The following RALGPS1 variants were observed in gnomAD, a reference collection of about 807,000 sequenced individuals.
RALGPS1 encodes the protein Ral GEF with PH domain and SH3 binding motif 1, also known as ras-specific guanine nucleotide-releasing factor RalGPS1.
RALGPS1 carries 19 observed loss-of-function variants against 78.8 expected under a neutral mutation model. The observed-to-expected ratio is 0.24, with a 90% confidence interval of 0.17 to 0.35. The LOEUF (loss-of-function observed/expected upper bound fraction) is 0.35, where lower values mean the gene tolerates loss of function less well. RALGPS1 is among the 10% of genes least tolerant of loss of function. RALGPS1 has a pLI of 1.00. For synonymous variants in RALGPS1, 228 were observed against 256.3 expected, an observed-to-expected ratio of 0.89 and a Z score of 1.06; for missense variants, 454 against 688.3, an observed-to-expected ratio of 0.66 and a Z score of 3.81.
At chr9:127,174,856 G>A (rs986975883) in intron 11 of RALGPS1, 74 bp downstream of exon 11, 20 of 1,397,106 alleles carry the variant, frequency 1.4e-5, no homozygotes, top group Non-Finnish European at 1.7e-5. Flanking sequence ...GGCCTTGACC[G>A]GGGAGGCCAA....
At chr9:127,124,742 G>A (rs1373565665) in intron 8 of RALGPS1, among the ~76,000 whole-genome samples, 4 of 152,204 alleles carry the variant, frequency 2.6e-5, no homozygotes, top group Non-Finnish European at 4.4e-5. Context: ...ACAGTAAGGA[G>A]CCACTGAAAG....
At position 127,205,599 on chromosome 9, in the gene RALGPS1, C is replaced by T. The variant is rs903662725; in HGVS notation, c.1248-6532C>T. ...CTTCTCTGTCCAATATCTACAATTC[C>T]TCCAGAGTCAGCACCTAGAAAGCGG... is the stretch of plus-strand genomic sequence containing the variant. On this transcript the variant is annotated intron_variant, in intron 14 of 18. Coordinates refer to ENST00000259351, the MANE Select transcript of RALGPS1 (RefSeq NM_014636.3). This position sits in a 1 kb window ranked among gnomAD's most constrained non-coding sequence, Gnocchi z 4.0. Among the ~76,000 whole-genome samples, 2 of 152,332 alleles carry T rather than the reference C, an allele frequency of 1.3e-5. No individual in the cohort carries two copies. The highest frequency in any genetic ancestry group is 2.1e-4 in the South Asian group (1 of 4,826).
intron 14 of RALGPS1, among the ~76,000 whole-genome samples, chr9:127,199,652 C>T (rs147402481): frequency 2.6e-3 from 389 of 151,706 alleles, no homozygotes; most frequent in African/African-American, 8.9e-3. Context: ...TGCCAGGGCC[C>T]CAGGCCTCCT....
chr9:127,161,485 C>T (rs981711965), intron 8 of RALGPS1, among the ~76,000 whole-genome samples: 1 of 152,214 alleles, frequency 6.6e-6, no homozygotes, highest in Non-Finnish European at 1.5e-5. Flanking sequence ...CCCACGTTCT[C>T]TCACTTATAC....
intron 8 of RALGPS1, among the ~76,000 whole-genome samples, chr9:127,141,616 C>CAAAAAAAA (rs61291398): frequency 5.4e-3 from 371 of 68,192 alleles, no homozygotes; most frequent in Middle Eastern, 8.9e-3. Context: ...TTTTTAATGG[C>CAAAAAAAA]AAAAAAAAAA....
At chr9:127,164,835 C>T (rs971864327) in intron 8 of RALGPS1, among the ~76,000 whole-genome samples, 5 of 152,160 alleles carry the variant, frequency 3.3e-5, no homozygotes, top group Non-Finnish European at 5.9e-5. Context: ...CCACTATGCT[C>T]TGCCCTAAAA....
chr9:126,962,195 C>A, intron 1 of RALGPS1, 30 bp from the exon 2 acceptor site: 2 of 1,290,518 alleles, frequency 1.5e-6, no homozygotes, highest in Non-Finnish European at 2.2e-6. Context: ...GTTTTGAAGA[C>A]TGATTTTTAT....
At chr9:127,009,219 C>T (rs1395416023) in intron 4 of RALGPS1, among the ~76,000 whole-genome samples, 1 of 152,230 alleles carries the variant, frequency 6.6e-6, no homozygotes. Flanking sequence ...TTCTAACATA[C>T]CCATTGGATG....
At chr9:127,028,739 A>G (rs1157067357) in intron 4 of RALGPS1, among the ~76,000 whole-genome samples, 4 of 152,224 alleles carry the variant, frequency 2.6e-5, no homozygotes, top group Admixed American at 2.0e-4. Context: ...CACTTTGCAA[A>G]TATCGGCCCA....
At chr9:127,101,105 C>T (rs2053677640) in intron 8 of RALGPS1, among the ~76,000 whole-genome samples, 1 of 152,192 alleles carries the variant, frequency 6.6e-6, no homozygotes. Context: ...TTCCCCAACC[C>T]CAGGAAAGCT....
At position 126,985,741 on chromosome 9, in the gene RALGPS1, C is replaced by G. The variant is rs146909514; in HGVS notation, c.216+7996C>G. 6.6e-3 allele frequency among the ~76,000 whole-genome samples: 1,009 copies of G among 152,280 alleles called. 3 individuals carry two copies. Among genetic ancestry groups the G allele is most frequent in the South Asian group, 0.023 (110 of 4,820 alleles). On this transcript the variant is annotated intron_variant, in intron 4 of 18. Coordinates refer to ENST00000259351, the MANE Select transcript of RALGPS1 (RefSeq NM_014636.3). ...AAGTGGGCCTCTCCCCTGGACTTTT[C>G]CCTTAAAGGTCTTTGGAAGCACCAG...
intron 4 of RALGPS1, among the ~76,000 whole-genome samples, chr9:127,029,139 T>G (rs2046206537): frequency 1.3e-5 from 2 of 152,126 alleles, no homozygotes; most frequent in South Asian, 4.1e-4. Flanking sequence ...AATGTAGACT[T>G]CCTTGTGGGT....
intron 4 of RALGPS1, among the ~76,000 whole-genome samples, chr9:127,022,430 A>G (rs1164959433): frequency 6.6e-6 from 1 of 151,906 alleles, no homozygotes; most frequent in African/African-American, 2.4e-5. Flanking sequence ...TCATGGCATC[A>G]GGGCAATACA....
At chr9:127,027,185 G>A (rs886941088) in intron 4 of RALGPS1, among the ~76,000 whole-genome samples, 3 of 152,170 alleles carry the variant, frequency 2.0e-5, no homozygotes, top group Admixed American at 6.5e-5. Flanking sequence ...CTCATTTGAC[G>A]AGGGTAGTAG....
At chr9:126,916,781 C>T (rs1288174510) in intron 1 of RALGPS1, among the ~76,000 whole-genome samples, 1 of 152,144 alleles carries the variant, frequency 6.6e-6, no homozygotes, top group Non-Finnish European at 1.5e-5. Flanking sequence ...ACTTTTCCAT[C>T]TCAAAACACA....
At chr9:127,192,829 G>A (rs2061146847) in intron 11 of RALGPS1, among the ~76,000 whole-genome samples, 1 of 152,198 alleles carries the variant, frequency 6.6e-6, no homozygotes, top group African/African-American at 2.4e-5. Context: ...GATTGAAGAG[G>A]CACAGGGAGA....
In RALGPS1 at chr9:127,091,641, G is replaced by A; in HGVS notation, c.610+22285G>A. 1 of 1,604,294 alleles carries A rather than the reference G, an allele frequency of 6.2e-7. No homozygotes were observed. Among genetic ancestry groups the A allele is most frequent in the Non-Finnish European group, 8.5e-7 (1 of 1,174,070 alleles). On this transcript the variant is annotated intron_variant, in intron 8 of 18. Coordinates refer to ENST00000259351, the MANE Select transcript of RALGPS1 (RefSeq NM_014636.3). This position sits in a 1 kb window ranked among gnomAD's most constrained non-coding sequence, Gnocchi z 4.3. ...CTGGTTGACCTCTTTTCCCTACCCT[G>A]CACCTGGGTTTGACTCCACTTTTCC...
At chr9:127,113,627 G>A (rs983603316) in intron 8 of RALGPS1, among the ~76,000 whole-genome samples, 2 of 151,596 alleles carry the variant, frequency 1.3e-5, no homozygotes, top group African/African-American at 4.9e-5. Context: ...GTTTTCCTTG[G>A]CTTCAGAATT....
chr9:127,108,745 T>C (rs781537976), intron 8 of RALGPS1: 6 of 1,589,838 alleles, frequency 3.8e-6, no homozygotes, highest in South Asian at 3.4e-5. Context: ...CCTTGCAAAA[T>C]GGTGGTTATT....
Sources: gnomAD v4.1 joint callset for allele counts (sites outside exome capture counted in the v4.1 genomes callset) on GRCh38, gnomAD v4.1.1 for gene constraint, Gnocchi (gnomAD v3.1) non-coding constraint, MANE v1.5 for transcripts, NCBI Gene and HGNC (gene_info 2026-07-23, HGNC 2026-07-21) for gene names.